Variants in TECPR2 observed in about 807,000 individuals in gnomAD.
The protein encoded by TECPR2 is tectonin beta-propeller repeat-containing protein 2.
In TECPR2, 65 loss-of-function variants were observed where a neutral mutation model predicts 138.1. That is an observed-to-expected ratio of 0.47 (90% CI 0.39 to 0.58). The LOEUF is 0.58. Ranked by LOEUF, TECPR2 falls within the 20% of genes least tolerant of loss-of-function variation. The pLI, the probability that TECPR2 is intolerant of heterozygous loss-of-function variation, is 0.00. For synonymous variants in TECPR2, 746 were observed against 749.8 expected (o/e 0.99, Z 0.08); for missense variants, 1,553 against 1,824.5 (o/e 0.85, Z 2.71).
chr14:102,375,117 G>A (rs1484460655), intron 1 of TECPR2, among the ~76,000 whole-genome samples: 2 of 152,184 alleles, frequency 1.3e-5, no homozygotes, highest in Non-Finnish European at 2.9e-5. Flanking sequence ...GAGCCCAGGA[G>A]CTTGAGGCTG....
At position 102,498,240 on chromosome 14, in the gene TECPR2, G is replaced by A. The variant is rs370715258; in HGVS notation, c.4219G>A (p.Glu1407Lys). Residue 1407 changes from glutamate (E) to lysine (K), a missense_variant, in exon 20 of 20, where the codon GAG (glutamate) becomes AAG (lysine). Physicochemically the swap from Glu to Lys is moderately conservative, Grantham distance 56. Coordinates refer to ENST00000359520, the MANE Select transcript of TECPR2 (RefSeq NM_014844.5). Reference protein sequence around the residue: ...AMPHPEDLEDEWEVI With the variant: ...AMPHPEDLEDKWEVI ...GCCCCACCCTGAGGACCTGGAGGAC[G>A]AGTGGGAGGTCATCTGAAGGAGCCC... is the stretch of plus-strand genomic sequence containing the variant. The A allele has an allele frequency of 1.7e-5, 28 of 1,602,818 alleles. No homozygotes were observed. The highest frequency in any genetic ancestry group is 2.3e-5 in the Non-Finnish European group (27 of 1,179,820).
At chr14:102,483,515 C>A (rs899129404) in intron 17 of TECPR2, among the ~76,000 whole-genome samples, 1 of 152,198 alleles carries the variant, frequency 6.6e-6, no homozygotes, top group South Asian at 2.1e-4. Flanking sequence ...AATCACAGCT[C>A]ATTGTAGCTT....
intron 1 of TECPR2, among the ~76,000 whole-genome samples, chr14:102,363,355 G>C (rs1773326859): frequency 1.3e-5 from 2 of 152,128 alleles, no homozygotes; most frequent in Admixed American, 6.5e-5. Context: ...GGTCCGCAGC[G>C]GGGAACAGGG....
At chr14:102,423,945 G>C (rs1002048738) in intron 5 of TECPR2, among the ~76,000 whole-genome samples, 6 of 152,194 alleles carry the variant, frequency 3.9e-5, no homozygotes, top group Non-Finnish European at 8.8e-5. Flanking sequence ...AGCAGGGAAA[G>C]GATGAGCAGA....
At chr14:102,488,601 C>T (rs568174325) in intron 17 of TECPR2, among the ~76,000 whole-genome samples, 2 of 152,208 alleles carry the variant, frequency 1.3e-5, no homozygotes, top group East Asian at 3.9e-4. Flanking sequence ...GCCTCAGCCT[C>T]CCGAAGTGCT....
chr14:102,406,544 CA>C (rs913610828), intron 2 of TECPR2, among the ~76,000 whole-genome samples: 1 of 146,872 alleles, frequency 6.8e-6, no homozygotes. Context: ...GATTCCATCT[CA>C]AAAAAAAATT....
At chr14:102,381,913 CA>C (rs1887833718) in intron 2 of TECPR2, among the ~76,000 whole-genome samples, 2 of 152,088 alleles carry the variant, frequency 1.3e-5, no homozygotes, top group Non-Finnish European at 2.9e-5. Flanking sequence ...AAGACGAGTA[CA>C]ACATAAGTAA....
intron 1 of TECPR2, among the ~76,000 whole-genome samples, chr14:102,369,469 G>A (rs1033658283): frequency 2.0e-5 from 3 of 152,086 alleles, no homozygotes; most frequent in Non-Finnish European, 2.9e-5. Flanking sequence ...GCTCACTGCA[G>A]CCTCGAACTC....
chr14:102,445,981 C>T (rs779988144), intron 13 of TECPR2, 34 bp downstream of exon 13: 1 of 1,577,420 alleles, frequency 6.3e-7, no homozygotes, highest in South Asian at 1.1e-5. Flanking sequence ...GTGCCGAGGT[C>T]TCCCGACCTT....
At chr14:102,491,093 C>T (rs1891149380) in intron 17 of TECPR2, among the ~76,000 whole-genome samples, 1 of 152,122 alleles carries the variant, frequency 6.6e-6, no homozygotes. Flanking sequence ...GGGGTTTCAT[C>T]ATATTGGTCA....
chr14:102,440,623 A>T lies in TECPR2; in HGVS notation c.2752+14A>T. 1.2e-6 allele frequency: 2 copies of T among 1,610,806 alleles called. No homozygotes were observed. The highest frequency in any genetic ancestry group is 1.7e-6 in the Non-Finnish European group (2 of 1,178,034). On this transcript the variant is annotated intron_variant, in intron 11 of 19. Transcript: ENST00000359520. Reference sequence around the variant, plus strand: ...ACTTGCAGACAGGTAACCGCGGGCCACGCTTAGAGGCCTGCCAGCTCTGCC... The same window carrying T: ...ACTTGCAGACAGGTAACCGCGGGCCTCGCTTAGAGGCCTGCCAGCTCTGCC...
rs114514475 is a variant in TECPR2, at chr14:102,433,295, C to T, written c.1418-940C>T. ...AGTATGCAGTAGGTGGCTTTTGACC[C>T]ATGCCGCCTCCTCTCCCGCTCTGGA... is the stretch of plus-strand genomic sequence containing the variant. On this transcript the variant is annotated intron_variant, in intron 8 of 19. Transcript: ENST00000359520. Among the ~76,000 whole-genome samples the T allele has an allele frequency of 2.7e-3, 414 of 151,912 alleles. 3 individuals carry two copies. The highest frequency in any genetic ancestry group is 9.1e-3 in the African/African-American group (377 of 41,406).
chr14:102,478,113 T>C (rs115927407), intron 17 of TECPR2, among the ~76,000 whole-genome samples: 6,313 of 151,444 alleles, frequency 0.042, 159 homozygotes, highest in Middle Eastern at 0.094. Flanking sequence ...GTGGAGTGAT[T>C]GTGGCTCACT....
At chr14:102,397,477 T>C (rs916477478) in intron 2 of TECPR2, among the ~76,000 whole-genome samples, 6 of 152,132 alleles carry the variant, frequency 3.9e-5, no homozygotes, top group African/African-American at 1.4e-4. Context: ...CTGGGGGCGG[T>C]AGCTCATGCC....
At chr14:102,495,789 C>T (rs1019014785) in intron 17 of TECPR2, among the ~76,000 whole-genome samples, 3 of 152,198 alleles carry the variant, frequency 2.0e-5, no homozygotes, top group Non-Finnish European at 4.4e-5. Flanking sequence ...TTGGTGCCCA[C>T]GGGAGGCATT....
At chr14:102,387,826 G>C (rs1259770760) in intron 2 of TECPR2, among the ~76,000 whole-genome samples, 1 of 151,972 alleles carries the variant, frequency 6.6e-6, no homozygotes, top group Non-Finnish European at 1.5e-5. Flanking sequence ...ACACCTGGCT[G>C]GGTGGTTGCA....
At position 102,369,712 on chromosome 14, in the gene TECPR2, C is replaced by T. The variant is rs540904477; in HGVS notation, c.-73+6596C>T. Among the ~76,000 whole-genome samples the T allele has an allele frequency of 7.6e-4, 115 of 151,968 alleles. No homozygotes were observed. In the Middle Eastern group the frequency reaches 0.01, roughly 13 times the overall value. The stretch of plus-strand genomic sequence containing the variant: ...ATCCCAGCACTTTGGGAGGCCGAGG[C>T]GGGTGGATCACAAGATCAGGAGATT... On this transcript the variant is annotated intron_variant, in intron 1 of 19. Coordinates refer to ENST00000359520, the MANE Select transcript of TECPR2 (RefSeq NM_014844.5).
rs115453847 is a variant in TECPR2 at position 102,418,603 on chromosome 14, T to C, written c.638+3810T>C. On this transcript the variant is annotated intron_variant, in intron 5 of 19. Coordinates refer to ENST00000359520, the MANE Select transcript of TECPR2 (RefSeq NM_014844.5). ...TGTGGGGAGCCCCCTCCCGTCGGCT[T>C]TGTGGGCCCTGCCCATGGGGCTCTT... Among the ~76,000 whole-genome samples, 281 of 152,216 alleles carry C rather than the reference T, an allele frequency of 1.8e-3. 2 individuals are homozygous for C. The highest frequency in any genetic ancestry group is 6.4e-3 in the African/African-American group (267 of 41,536).
intron 17 of TECPR2, among the ~76,000 whole-genome samples, chr14:102,490,550 T>C (rs1348435614): frequency 6.6e-6 from 1 of 152,210 alleles, no homozygotes; most frequent in Non-Finnish European, 1.5e-5. Flanking sequence ...AGAGGCGCCT[T>C]CCCGAGTCAC....
Sources: allele counts gnomAD v4.1 joint callset (sites outside exome capture counted in the v4.1 genomes callset), GRCh38; gene constraint gnomAD v4.1.1; transcripts MANE v1.5; gene names NCBI Gene and HGNC (gene_info 2026-07-23, HGNC 2026-07-21).